RTP2: variants seen among roughly 807,000 people sequenced by gnomAD.
The protein encoded by RTP2 is receptor transporter protein 2.
RTP2 carries 12 observed loss-of-function variants against 17.9 expected under a neutral mutation model. That is an observed-to-expected ratio of 0.67 (90% confidence interval 0.43 to 1.09). The LOEUF is 1.09. Ranked by LOEUF, RTP2 falls within the 50% of genes least tolerant of loss-of-function variation. RTP2 has a pLI of 0.00. For missense variants in RTP2, 327 were observed against 295.7 expected (o/e 1.11, Z -0.78); for synonymous variants, 126 against 117.7 (o/e 1.07, Z -0.46).
At chr3:187,713,729 G>T in the RTP2 span, among the ~76,000 whole-genome samples, 1 of 151,872 alleles carries the variant, frequency 6.6e-6, no homozygotes, top group Non-Finnish European at 1.5e-5. Context: ...TGCAGGAGGG[G>T]ACCAATCAGA....
chr3:187,705,848 A>C (rs73184639), upstream of RTP2, among the ~76,000 whole-genome samples: 5,674 of 152,302 alleles, frequency 0.037, 146 homozygotes, highest in Non-Finnish European at 0.055. Context: ...TATTGTATTT[A>C]CCCTTAAGGC....
At chr3:187,712,081 T>C in the RTP2 span, among the ~76,000 whole-genome samples, 1 of 152,052 alleles carries the variant, frequency 6.6e-6, no homozygotes, top group African/African-American at 2.4e-5. Flanking sequence ...GCCATGTGAA[T>C]CTACACATAC....
the RTP2 span, among the ~76,000 whole-genome samples, chr3:187,710,395 A>C: frequency 6.7e-6 from 1 of 148,572 alleles, no homozygotes; most frequent in East Asian, 2.0e-4. Flanking sequence ...ATATATATAT[A>C]TATATCATAT....
chr3:187,707,124 C>T (rs978874090), upstream of RTP2, among the ~76,000 whole-genome samples: 1 of 152,206 alleles, frequency 6.6e-6, no homozygotes, highest in Non-Finnish European at 1.5e-5. Context: ...TACACATGGC[C>T]TTTCTATGGA....
At chr3:187,711,230 C>A in the RTP2 span, among the ~76,000 whole-genome samples, 1 of 152,132 alleles carries the variant, frequency 6.6e-6, no homozygotes, top group Non-Finnish European at 1.5e-5. Context: ...TTTATTAACA[C>A]CTTGTCAGGT....
At chr3:187,715,411 G>A in the RTP2 span, among the ~76,000 whole-genome samples, 601 of 151,830 alleles carry the variant, frequency 4.0e-3, 2 homozygotes, top group African/African-American at 0.014. Flanking sequence ...GGTTCCCCCC[G>A]CCAGGGTTCT....
chr3:187,699,569 G>C (rs979707141), intron 1 of RTP2, among the ~76,000 whole-genome samples: 1 of 152,020 alleles, frequency 6.6e-6, no homozygotes. Flanking sequence ...GGACAGACCG[G>C]TAGATGGGTA....
At chr3:187,710,260 AAACT>A in the RTP2 span, among the ~76,000 whole-genome samples, 1 of 152,000 alleles carries the variant, frequency 6.6e-6, no homozygotes, top group South Asian at 2.1e-4. Flanking sequence ...TCAGGCCTTC[AAACT>A]GTACCACTGG....
At chr3:187,710,551 A>ATGTGTGTG in the RTP2 span, among the ~76,000 whole-genome samples, 69 of 151,664 alleles carry the variant, frequency 4.5e-4, no homozygotes, top group African/African-American at 1.6e-3. Context: ...ATATATATAT[A>ATGTGTGTG]TATGTGTGTG....
upstream of RTP2, among the ~76,000 whole-genome samples, chr3:187,705,131 A>G (rs948134992): frequency 5.7e-4 from 87 of 152,186 alleles, no homozygotes; most frequent in African/African-American, 2.1e-3. Flanking sequence ...GTAAATACAT[A>G]AAAAGACAGA....
At chr3:187,704,741 T>C (rs145934740), upstream of RTP2, among the ~76,000 whole-genome samples, 2 of 152,134 alleles carry the variant, frequency 1.3e-5, no homozygotes, top group Non-Finnish European at 2.9e-5. Context: ...TTTCAAGAGA[T>C]ATTAGGAAGG....
the RTP2 span, among the ~76,000 whole-genome samples, chr3:187,713,798 G>A: frequency 2.0e-5 from 3 of 152,204 alleles, no homozygotes; most frequent in Admixed American, 6.5e-5. Flanking sequence ...GGAGCAAGTT[G>A]CAAAGGGAGT....
At chr3:187,710,311 T>C in the RTP2 span, among the ~76,000 whole-genome samples, 1 of 151,526 alleles carries the variant, frequency 6.6e-6, no homozygotes, top group African/African-American at 2.4e-5. Flanking sequence ...GGCAAGACTG[T>C]GAGACTTTTC....
chr3:187,708,999 A>G, the RTP2 span, among the ~76,000 whole-genome samples: 1 of 146,272 alleles, frequency 6.8e-6, no homozygotes, highest in African/African-American at 2.5e-5. Flanking sequence ...TCCCTGGAGT[A>G]GAACCTAGGC....
intron 1 of RTP2, among the ~76,000 whole-genome samples, chr3:187,701,483 T>A (rs1018209681): frequency 1.3e-5 from 2 of 152,244 alleles, no homozygotes; most frequent in African/African-American, 4.8e-5. Flanking sequence ...CAAGGCTACT[T>A]AGCTATATAG....
At chr3:187,706,360 A>G (rs974735834), upstream of RTP2, among the ~76,000 whole-genome samples, 2 of 152,226 alleles carry the variant, frequency 1.3e-5, no homozygotes, top group African/African-American at 2.4e-5. Context: ...CACTATAGTT[A>G]AAAAGCTACA....
chr3:187,705,136 G>A (rs1717959427), upstream of RTP2, among the ~76,000 whole-genome samples: 1 of 151,862 alleles, frequency 6.6e-6, no homozygotes, highest in Admixed American at 6.6e-5. Context: ...TACATAAAAA[G>A]ACAGATAGAA....
At chr3:187,708,110 A>G in the RTP2 span, among the ~76,000 whole-genome samples, 6 of 152,244 alleles carry the variant, frequency 3.9e-5, no homozygotes, top group African/African-American at 1.4e-4. Context: ...TATTTTCCCT[A>G]ATGAAGGTAC....
chr3:187,714,494 C>G, the RTP2 span, among the ~76,000 whole-genome samples: 2 of 152,202 alleles, frequency 1.3e-5, no homozygotes, highest in South Asian at 2.1e-4. Context: ...GAGACCAACT[C>G]AAAAAATAGC....
Sources: allele counts gnomAD v4.1 joint callset (sites outside exome capture counted in the v4.1 genomes callset), GRCh38; gene constraint gnomAD v4.1.1; transcripts MANE v1.5; gene names NCBI Gene and HGNC (gene_info 2026-07-23, HGNC 2026-07-21).